The following PRUNE2 variants were observed in gnomAD, a reference collection of about 807,000 sequenced individuals.
The protein encoded by PRUNE2 is prune homolog 2 with BCH domain.
In PRUNE2, 164 loss-of-function variants were observed where a neutral mutation model predicts 252.0. The observed-to-expected ratio is 0.65, with a 90% CI of 0.57 to 0.74. PRUNE2 has a LOEUF of 0.74. Ranked by LOEUF, PRUNE2 falls within the 30% of genes least tolerant of loss-of-function variation. The probability of loss-of-function intolerance (pLI) is 0.00; values close to 1 mark genes in which losing one functional copy is unlikely to be tolerated. For missense variants in PRUNE2, 3,495 were observed against 3,711.0 expected, an observed-to-expected ratio of 0.94 and a Z score of 1.51; for synonymous variants, 1,292 against 1,350.2, an observed-to-expected ratio of 0.96 and a Z score of 0.94.
At chr9:76,787,698 C>T (rs1046325131) in intron 6 of PRUNE2, 2 of 152,206 alleles carry the variant, frequency 1.3e-5, no homozygotes, top group Non-Finnish European at 2.9e-5. Context: ...TAGCCAAAGA[C>T]ACTGCTTTGC....
chr9:76,880,904 G>A (rs2061735842), intron 1 of PRUNE2, among the ~76,000 whole-genome samples: 2 of 150,580 alleles, frequency 1.3e-5, no homozygotes, highest in South Asian at 2.1e-4. Context: ...TTCTAATATG[G>A]TAAATATTGA....
chr9:76,887,665 T>C (rs2062185676), intron 1 of PRUNE2, among the ~76,000 whole-genome samples: 1 of 152,216 alleles, frequency 6.6e-6, no homozygotes. Flanking sequence ...GAACGATTAC[T>C]GGAGCCTACC....
intron 11 of PRUNE2, among the ~76,000 whole-genome samples, chr9:76,649,282 C>T (rs552135440): frequency 1.1e-4 from 17 of 152,272 alleles, no homozygotes; most frequent in Admixed American, 4.6e-4. Context: ...TACACAGACA[C>T]GTTTATTTTT....
intron 6 of PRUNE2, among the ~76,000 whole-genome samples, chr9:76,774,463 T>TATTTATTTATTTATTTATTTA (rs1487883612): frequency 7.1e-6 from 1 of 141,172 alleles, no homozygotes. Context: ...TTTTTTTTTT[T>TATTTATTTATTTATTTATTTA]TTTTTTTTTT....
At chr9:76,649,938 C>CTTTTTTTTTTTTT (rs11448854) in intron 11 of PRUNE2, among the ~76,000 whole-genome samples, 1 of 147,132 alleles carries the variant, frequency 6.8e-6, no homozygotes. Context: ...GTAACGCTTA[C>CTTTTTTTTTTTTT]TTTTTTTTTT....
rs114600653 is a variant in PRUNE2, at chr9:76,887,566, G to A, written c.36+18362C>T. Among the ~76,000 whole-genome samples, 265 of 152,324 alleles carry A rather than the reference G, an allele frequency of 1.7e-3. 1 individual carries two copies. Among genetic ancestry groups the A allele is most frequent in the African/African-American group, 6.0e-3 (251 of 41,570 alleles). On this transcript the variant is annotated intron_variant, in intron 1 of 18. Coordinates refer to ENST00000376718, the MANE Select transcript of PRUNE2 (RefSeq NM_015225.3). ...GGCAGAGTATACTTCCCACCCCACT[G>A]CTATTGGGCTTGGCCATGTAACTTG...
chr9:76,884,441 C>T (rs72735034), intron 1 of PRUNE2, among the ~76,000 whole-genome samples: 37 of 152,226 alleles, frequency 2.4e-4, no homozygotes, highest in Non-Finnish European at 4.3e-4. Flanking sequence ...TGTATACTAT[C>T]CTCGTATTTT....
chr9:76,753,711 G>A (rs1249822803), intron 6 of PRUNE2, among the ~76,000 whole-genome samples: 2 of 152,136 alleles, frequency 1.3e-5, no homozygotes, highest in Non-Finnish European at 2.9e-5. Flanking sequence ...TCAGGAGATC[G>A]TGACCATCCT....
intron 18 of PRUNE2, chr9:76,615,190 C>T (rs1828838972): frequency 3.0e-6 from 3 of 985,396 alleles, no homozygotes; most frequent in Non-Finnish European, 3.6e-6. Context: ...CTAAAACTCA[C>T]TCGAATCACG....
In PRUNE2 at chr9:76,708,492, T is replaced by C; in HGVS notation, c.3782A>G (p.Asp1261Gly). The C allele has an allele frequency of 1.2e-6, 2 of 1,613,936 alleles. No homozygotes were observed. The highest frequency in any genetic ancestry group is 1.7e-6 in the Non-Finnish European group (2 of 1,179,886). The change falls in exon 8 of 19, where the codon GAC becomes GGC. Residue 1261 changes from aspartate to glycine, a missense_variant. Physicochemically the swap from Asp to Gly is moderately conservative, Grantham distance 94 (BLOSUM62 -1). Transcript: ENST00000376718. ...EIPSHSANVK[D>G]THSPDAPAAS... is the part of the protein sequence containing the mutation. ...TGCTGGCGCATCTGGGGAATGAGTG[T>C]CTTTAACATTTGCTGAATGGCTGGG...
intron 1 of PRUNE2, among the ~76,000 whole-genome samples, chr9:76,890,450 G>T (rs960563697): frequency 4.6e-5 from 7 of 152,298 alleles, no homozygotes; most frequent in African/African-American, 1.7e-4. Context: ...AATGCTTTCT[G>T]CTCTGTCTTT....
intron 6 of PRUNE2, among the ~76,000 whole-genome samples, chr9:76,747,530 G>A (rs1421111705): frequency 1.3e-5 from 2 of 152,126 alleles, no homozygotes; most frequent in South Asian, 2.1e-4. Flanking sequence ...AAGGTCACAC[G>A]AGGTCAGAGT....
At chr9:76,822,216 A>C (rs958671347) in intron 6 of PRUNE2, among the ~76,000 whole-genome samples, 5 of 152,212 alleles carry the variant, frequency 3.3e-5, no homozygotes, top group Admixed American at 6.5e-5. Context: ...AGTCATATGG[A>C]GCACTTATCA....
At chr9:76,627,647 A>G (rs1249128549) in intron 16 of PRUNE2, among the ~76,000 whole-genome samples, 1 of 152,060 alleles carries the variant, frequency 6.6e-6, no homozygotes, top group Non-Finnish European at 1.5e-5. Context: ...TATGTAGGAG[A>G]ACCAAATGAA....
chr9:76,850,400 A>G, intron 3 of PRUNE2, 63 bp downstream of exon 3: 1 of 1,287,768 alleles, frequency 7.8e-7, no homozygotes, highest in African/African-American at 1.5e-5. Flanking sequence ...GAGTAAAGTG[A>G]CACTTTGCCC....
chr9:76,763,656 T>G (rs1010813570), intron 6 of PRUNE2, among the ~76,000 whole-genome samples: 4 of 152,096 alleles, frequency 2.6e-5, no homozygotes, highest in Admixed American at 2.6e-4. Context: ...CTCTGAGGAC[T>G]GAGAGATTAA....
intron 6 of PRUNE2, among the ~76,000 whole-genome samples, chr9:76,721,056 C>A (rs183513571): frequency 3.9e-5 from 6 of 152,180 alleles, no homozygotes; most frequent in African/African-American, 1.4e-4. Flanking sequence ...GAGCCGAGAT[C>A]GCACCACTGC....
At chr9:76,828,207 G>C (rs2058458289) in intron 4 of PRUNE2, among the ~76,000 whole-genome samples, 1 of 152,188 alleles carries the variant, frequency 6.6e-6, no homozygotes, top group Admixed American at 6.5e-5. Flanking sequence ...GGATAACTAG[G>C]GACTTAAGGC....
intron 6 of PRUNE2, chr9:76,785,037 T>C (rs2054830036): frequency 6.6e-6 from 1 of 152,214 alleles, no homozygotes; most frequent in Admixed American, 6.5e-5. Context: ...TGATTTTTTT[T>C]CCAGTATAAA....
Sources: gnomAD v4.1 joint callset for allele counts (sites outside exome capture counted in the v4.1 genomes callset) on GRCh38, gnomAD v4.1.1 for gene constraint, MANE v1.5 for transcripts, NCBI Gene and HGNC (gene_info 2026-07-23, HGNC 2026-07-21) for gene names.